The following PTPRK variants were observed in gnomAD, a reference collection of about 807,000 sequenced individuals.
PTPRK encodes the protein receptor-type tyrosine-protein phosphatase kappa.
Under a neutral mutation model 178.0 loss-of-function variants are expected in PTPRK, and 75 were observed. The ratio of observed to expected loss-of-function variants is 0.42; its 90% CI spans 0.35 to 0.51. The LOEUF (loss-of-function observed/expected upper bound fraction) is 0.51. Among genes scored for constraint, PTPRK ranks in the 20% least tolerant of loss-of-function variants. The pLI, the probability that PTPRK is intolerant of heterozygous loss-of-function variation, is 0.02. For synonymous variants in PTPRK, 637 were observed against 620.6 expected (o/e 1.03, Z -0.39); for missense variants, 1,441 against 1,797.8 (o/e 0.80, Z 3.59).
At chr6:128,123,576 T>C (rs1792827801) in intron 7 of PTPRK, among the ~76,000 whole-genome samples, 1 of 152,214 alleles carries the variant, frequency 6.6e-6, no homozygotes, top group Non-Finnish European at 1.5e-5. Context: ...ATGGTATGTT[T>C]GTCAAAATTA....
chr6:128,082,681 T>A (rs368029721), intron 9 of PTPRK, 43 bp from the exon 10 acceptor site: 3 of 1,402,744 alleles, frequency 2.1e-6, no homozygotes, highest in African/African-American at 1.4e-5. Flanking sequence ...GTATCCATCA[T>A]AAGAAACTGT....
At chr6:128,366,243 A>G (rs1186299459) in intron 2 of PTPRK, among the ~76,000 whole-genome samples, 3 of 152,142 alleles carry the variant, frequency 2.0e-5, no homozygotes, top group South Asian at 2.1e-4. Context: ...TTTGGAAAAG[A>G]GCAAAATAGA....
intron 2 of PTPRK, among the ~76,000 whole-genome samples, chr6:128,361,472 T>A (rs1034854780): frequency 2.0e-5 from 3 of 152,216 alleles, no homozygotes; most frequent in African/African-American, 7.2e-5. Context: ...AATGCATATA[T>A]GTCATGAGTT....
At chr6:128,167,830 T>G (rs981130686) in intron 7 of PTPRK, among the ~76,000 whole-genome samples, 3 of 152,096 alleles carry the variant, frequency 2.0e-5, no homozygotes, top group Non-Finnish European at 4.4e-5. Context: ...TCTACTTACA[T>G]GCCTTCCTCA....
chr6:128,272,084 C>T (rs756820322), intron 3 of PTPRK, among the ~76,000 whole-genome samples: 1 of 151,848 alleles, frequency 6.6e-6, no homozygotes, highest in Non-Finnish European at 1.5e-5. Context: ...CTTTGACAAA[C>T]CTAACAAAAA....
At chr6:128,470,749 C>CTTTTTTTT (rs11361160) in intron 1 of PTPRK, among the ~76,000 whole-genome samples, 4 of 114,240 alleles carry the variant, frequency 3.5e-5, no homozygotes, top group African/African-American at 6.7e-5. Flanking sequence ...ATATCTCTCT[C>CTTTTTTTT]TTTTTTTTTT....
At chr6:128,134,553 G>A (rs904780519) in intron 7 of PTPRK, among the ~76,000 whole-genome samples, 3 of 152,182 alleles carry the variant, frequency 2.0e-5, no homozygotes, top group Non-Finnish European at 4.4e-5. Context: ...CACCATGTCT[G>A]TAATCCCAGC....
In PTPRK at chr6:127,973,096, G is replaced by A. The variant is rs370374055; in HGVS notation, c.4195C>T (p.Arg1399Trp). 3.6e-5 allele frequency: 58 copies of A among 1,613,898 alleles called. No individual in the cohort carries two copies. The highest frequency in any genetic ancestry group is 1.6e-4 in the Middle Eastern group (1 of 6,084). The change falls in exon 29 of 30, where the codon CGG becomes TGG. Residue 1399 changes from arginine to tryptophan, a missense_variant. By Grantham distance (101) the Arg-to-Trp change is moderately radical (BLOSUM62 -3). This residue lies in a region of PTPRK where 335 missense variants were observed against 512.4 expected (regional missense o/e 0.65). Coordinates refer to ENST00000368226, the MANE Select transcript of PTPRK (RefSeq NM_002844.4). ...TGGAAAACATCGACAACATTTTGCC[G>A]TTTCACCATTTCAACAACGATGCCT... ...AIGIVVEMVKRQNVVDVFHAV... is the reference protein window; with the variant it reads ...AIGIVVEMVKWQNVVDVFHAV...
At chr6:128,359,205 C>G (rs559209924) in intron 2 of PTPRK, among the ~76,000 whole-genome samples, 1 of 148,782 alleles carries the variant, frequency 6.7e-6, no homozygotes, top group African/African-American at 2.5e-5. Flanking sequence ...AATCCCAGCA[C>G]TTTGGGATGC....
chr6:128,130,495 AT>A (rs1350300254), intron 7 of PTPRK, among the ~76,000 whole-genome samples: 1 of 151,974 alleles, frequency 6.6e-6, no homozygotes, highest in Non-Finnish European at 1.5e-5. Context: ...AAGTCCTAAA[AT>A]TTTTTTCCTT....
At chr6:128,456,241 C>T (rs1186968526) in intron 1 of PTPRK, among the ~76,000 whole-genome samples, 3 of 151,994 alleles carry the variant, frequency 2.0e-5, no homozygotes, top group Non-Finnish European at 2.9e-5. Context: ...CACTATGTGC[C>T]AGGTACTATG....
At chr6:128,423,287 G>T in intron 1 of PTPRK, among the ~76,000 whole-genome samples, 1 of 152,152 alleles carries the variant, frequency 6.6e-6, no homozygotes, top group South Asian at 2.1e-4. Context: ...AGTAACATTT[G>T]TGCGGGTATA....
intron 13 of PTPRK, among the ~76,000 whole-genome samples, chr6:128,036,774 T>A (rs13217988): frequency 6.6e-6 from 1 of 151,444 alleles, no homozygotes; most frequent in Non-Finnish European, 1.5e-5. Context: ...TCGCTCTTGT[T>A]ACCCAGGCTG....
intron 7 of PTPRK, among the ~76,000 whole-genome samples, chr6:128,117,994 G>T (rs1388477047): frequency 6.6e-6 from 1 of 151,948 alleles, no homozygotes; most frequent in African/African-American, 2.4e-5. Context: ...ATTTTTTTGT[G>T]ACAGGATAAA....
At chr6:128,241,736 C>T (rs918011019) in intron 4 of PTPRK, among the ~76,000 whole-genome samples, 7 of 151,436 alleles carry the variant, frequency 4.6e-5, no homozygotes, top group Admixed American at 2.6e-4. Context: ...AAGGGCATAA[C>T]AAAACTGTGT....
chr6:128,278,135 ATTTATTTAT>A (rs938092974), intron 3 of PTPRK, among the ~76,000 whole-genome samples: 3 of 133,396 alleles, frequency 2.2e-5, no homozygotes, highest in African/African-American at 8.2e-5. Context: ...TTATTTATTT[ATTTATTTAT>A]TTATTTATTT....
At chr6:128,517,092 A>G (rs1006032171) in intron 1 of PTPRK, among the ~76,000 whole-genome samples, 2 of 151,726 alleles carry the variant, frequency 1.3e-5, no homozygotes, top group Admixed American at 1.3e-4. Flanking sequence ...ATGCACACAC[A>G]CACGTGCGCA....
intron 13 of PTPRK, among the ~76,000 whole-genome samples, chr6:128,017,697 C>T (rs1191641509): frequency 4.1e-5 from 6 of 145,778 alleles, no homozygotes; most frequent in African/African-American, 1.5e-4. Flanking sequence ...CTCGCTCTCA[C>T]TCTCTCTCTC....
intron 2 of PTPRK, among the ~76,000 whole-genome samples, chr6:128,359,787 T>A (rs1834480028): frequency 6.6e-6 from 1 of 151,582 alleles, no homozygotes; most frequent in Non-Finnish European, 1.5e-5. Context: ...TAAAATAAAA[T>A]AAAAAATAAT....
Sources: allele counts gnomAD v4.1 joint callset (sites outside exome capture counted in the v4.1 genomes callset), GRCh38; gene constraint gnomAD v4.1.1; regional missense constraint gnomAD v4.1.1; transcripts MANE v1.5; gene names NCBI Gene and HGNC (gene_info 2026-07-23, HGNC 2026-07-21).